The following MSI2 variants were observed in gnomAD, a reference collection of about 807,000 sequenced individuals.
MSI2 encodes the protein RNA-binding protein Musashi homolog 2.
Under a neutral mutation model 45.6 loss-of-function variants are expected in MSI2, and 17 were observed. That is an observed-to-expected ratio of 0.37 (90% CI 0.26 to 0.56). The LOEUF is 0.56. Among genes scored for constraint, MSI2 ranks in the 20% least tolerant of loss-of-function variants. MSI2 has a pLI of 0.77. For missense variants in MSI2, 293 were observed against 444.2 expected, an observed-to-expected ratio of 0.66 and a Z score of 3.06; for synonymous variants, 156 against 158.2, an observed-to-expected ratio of 0.99 and a Z score of 0.11.
chr17:57,538,361 G>T (rs1423762311), intron 7 of MSI2, among the ~76,000 whole-genome samples: 2 of 152,046 alleles, frequency 1.3e-5, no homozygotes, highest in Admixed American at 6.5e-5. Context: ...TGGATCAGAG[G>T]GTGTACGCTA....
chr17:57,676,261 T>TGCACGCACAC (rs960247111), intron 12 of MSI2, among the ~76,000 whole-genome samples: 3 of 151,660 alleles, frequency 2.0e-5, no homozygotes, highest in African/African-American at 7.3e-5. Flanking sequence ...CACACAGACA[T>TGCACGCACAC]GCACGCACAC....
intron 7 of MSI2, among the ~76,000 whole-genome samples, chr17:57,537,005 A>G (rs1054499831): frequency 3.3e-5 from 5 of 152,202 alleles, no homozygotes; most frequent in South Asian, 2.1e-4. Flanking sequence ...AATATGATTG[A>G]GTCCAAGAGG....
chr17:57,637,301 C>A (rs936702955), intron 10 of MSI2, among the ~76,000 whole-genome samples: 2 of 152,210 alleles, frequency 1.3e-5, no homozygotes, highest in South Asian at 2.1e-4. Context: ...AGACCGACCG[C>A]GGCACGAGGC....
intron 7 of MSI2, among the ~76,000 whole-genome samples, chr17:57,538,996 A>G (rs1311932753): frequency 2.0e-5 from 3 of 152,226 alleles, no homozygotes; most frequent in Non-Finnish European, 4.4e-5. Context: ...GGTTTGGAAC[A>G]GTCTCTGCCC....
chr17:57,268,902 A>G (rs1248789479), intron 5 of MSI2, among the ~76,000 whole-genome samples: 1 of 152,186 alleles, frequency 6.6e-6, no homozygotes, highest in Non-Finnish European at 1.5e-5. Flanking sequence ...ACTTTTGTAC[A>G]TCGTGGACTT....
chr17:57,335,484 A>C (rs1888217162), intron 5 of MSI2, among the ~76,000 whole-genome samples: 1 of 152,234 alleles, frequency 6.6e-6, no homozygotes, highest in South Asian at 2.1e-4. Context: ...ACAACAGCAG[A>C]GTCAAGTAGT....
At chr17:57,667,626 C>G (rs1912466334) in intron 11 of MSI2, among the ~76,000 whole-genome samples, 1 of 152,240 alleles carries the variant, frequency 6.6e-6, no homozygotes, top group Non-Finnish European at 1.5e-5. Context: ...AAGCCCAGTC[C>G]CTCAGGGCCC....
At chr17:57,676,296 G>A (rs568075047) in intron 12 of MSI2, among the ~76,000 whole-genome samples, 5 of 152,214 alleles carry the variant, frequency 3.3e-5, no homozygotes, top group South Asian at 2.1e-4. Context: ...ACACACAGGC[G>A]CACACACGCC....
intron 10 of MSI2, among the ~76,000 whole-genome samples, chr17:57,633,910 A>G (rs753848679): frequency 6.6e-6 from 1 of 152,170 alleles, no homozygotes; most frequent in East Asian, 1.9e-4. Context: ...GGGATCTGTC[A>G]TCAGTGAAAG....
At chr17:57,344,269 T>C (rs1418220041) in intron 5 of MSI2, among the ~76,000 whole-genome samples, 2 of 152,228 alleles carry the variant, frequency 1.3e-5, no homozygotes, top group African/African-American at 4.8e-5. Flanking sequence ...CTATTTCTTA[T>C]AGATATGGAC....
At chr17:57,366,384 C>T (rs906122741) in intron 5 of MSI2, among the ~76,000 whole-genome samples, 2 of 152,218 alleles carry the variant, frequency 1.3e-5, no homozygotes, top group Non-Finnish European at 2.9e-5. Context: ...AGGGATCACA[C>T]GTTTGAATGA....
intron 5 of MSI2, among the ~76,000 whole-genome samples, chr17:57,290,160 T>A (rs1232339444): frequency 6.6e-6 from 1 of 152,146 alleles, no homozygotes; most frequent in Non-Finnish European, 1.5e-5. Context: ...AGTTTTCTCA[T>A]CTATAACATG....
chr17:57,442,682 A>C (rs2143477442), intron 6 of MSI2, among the ~76,000 whole-genome samples: 1 of 152,302 alleles, frequency 6.6e-6, no homozygotes, highest in East Asian at 1.9e-4. Flanking sequence ...GTTGCTGACG[A>C]GACCCTGGAA....
At chr17:57,624,388 G>A (rs1273158930) in intron 9 of MSI2, among the ~76,000 whole-genome samples, 4 of 152,210 alleles carry the variant, frequency 2.6e-5, no homozygotes, top group African/African-American at 9.6e-5. Context: ...TGATTTGCTA[G>A]CAGGTGATTA....
At chr17:57,553,006 G>A (rs2087341439) in intron 7 of MSI2, among the ~76,000 whole-genome samples, 1 of 152,204 alleles carries the variant, frequency 6.6e-6, no homozygotes, top group Non-Finnish European at 1.5e-5. Context: ...AAGGATTCCA[G>A]TGACTTCAGA....
chr17:57,307,790 T>G (rs752385738), intron 5 of MSI2, among the ~76,000 whole-genome samples: 4 of 152,222 alleles, frequency 2.6e-5, no homozygotes, highest in Non-Finnish European at 4.4e-5. Context: ...AGCCAATTCC[T>G]TAAGATAAAT....
chr17:57,451,760 G>A (rs545501781), intron 6 of MSI2, among the ~76,000 whole-genome samples: 6 of 152,314 alleles, frequency 3.9e-5, no homozygotes, highest in South Asian at 2.1e-4. Flanking sequence ...TAGCGAGACC[G>A]GCACAGCTGC....
At chr17:57,511,522 G>A (rs542305463) in intron 6 of MSI2, among the ~76,000 whole-genome samples, 110 of 152,310 alleles carry the variant, frequency 7.2e-4, no homozygotes, top group African/African-American at 2.6e-3. Flanking sequence ...TGCTGGCTCA[G>A]AACGCCTCTC....
chr17:57,411,382 A>G (rs536735920), intron 6 of MSI2, among the ~76,000 whole-genome samples: 35 of 152,286 alleles, frequency 2.3e-4, no homozygotes, highest in Admixed American at 2.0e-3. Flanking sequence ...GGGAGGACGT[A>G]TTGATGTCAC....
Sources: gnomAD v4.1 joint callset for allele counts (sites outside exome capture counted in the v4.1 genomes callset) on GRCh38, gnomAD v4.1.1 for gene constraint, MANE v1.5 for transcripts, NCBI Gene and HGNC (gene_info 2026-07-23, HGNC 2026-07-21) for gene names.